Variants in MARCHF1 observed in about 807,000 individuals in gnomAD.
MARCHF1 encodes E3 ubiquitin-protein ligase MARCHF1.
In MARCHF1, 40 loss-of-function variants were observed where a neutral mutation model predicts 54.2. The observed-to-expected ratio is 0.74, with a 90% confidence interval of 0.57 to 0.96. MARCHF1 has a LOEUF of 0.96. Among genes scored for constraint, MARCHF1 ranks in the 40% least tolerant of loss-of-function variants. MARCHF1 has a pLI of 0.00. For synonymous variants in MARCHF1, 236 were observed against 236.3 expected, an observed-to-expected ratio of 1.00 and a Z score of 0.01; for missense variants, 586 against 656.5, an observed-to-expected ratio of 0.89 and a Z score of 1.17.
At chr4:164,261,776 G>A (rs2111278042) in intron 1 of MARCHF1, among the ~76,000 whole-genome samples, 1 of 152,028 alleles carries the variant, frequency 6.6e-6, no homozygotes, top group South Asian at 2.1e-4. Flanking sequence ...ATTTTTTCAT[G>A]GTTCCTATAA....
intron 1 of MARCHF1, among the ~76,000 whole-genome samples, chr4:164,208,629 G>A (rs1344704831): frequency 6.6e-6 from 1 of 152,206 alleles, no homozygotes; most frequent in Non-Finnish European, 1.5e-5. Flanking sequence ...TTCTTTAAAA[G>A]TAATGGCAGA....
At chr4:164,377,376 C>T (rs1731223408) in intron 1 of MARCHF1, among the ~76,000 whole-genome samples, 1 of 152,154 alleles carries the variant, frequency 6.6e-6, no homozygotes, top group Non-Finnish European at 1.5e-5. Flanking sequence ...ATAGTACTAG[C>T]TTGTTAACAC....
At chr4:163,879,643 A>G (rs1750370925) in intron 3 of MARCHF1, among the ~76,000 whole-genome samples, 1 of 152,178 alleles carries the variant, frequency 6.6e-6, no homozygotes, top group South Asian at 2.1e-4. Context: ...GTGTTATATC[A>G]AACTGCAAAC....
rs535932518 is a variant in MARCHF1 at position 164,207,595 on chromosome 4, G to A, written c.-322-95933C>T. Among the ~76,000 whole-genome samples, 3 of 152,324 alleles carry A rather than the reference G, an allele frequency of 2.0e-5. No individual in the cohort carries two copies. In the South Asian group the frequency reaches 6.2e-4, roughly 32 times the overall value. On this transcript the variant is annotated intron_variant, in intron 1 of 9. Coordinates refer to ENST00000514618, the MANE Select transcript of MARCHF1 (RefSeq NM_001394959.1). ...AGTCTACTGTGCTGGGGGGACTGAG[G>A]TGAGGCAGCTGCAGCCTAGAGCTAG...
At chr4:163,829,294 G>A (rs527344949) in intron 4 of MARCHF1, among the ~76,000 whole-genome samples, 16 of 152,184 alleles carry the variant, frequency 1.1e-4, no homozygotes, top group African/African-American at 3.4e-4. Context: ...GAAAAGGGCC[G>A]GATGGTAAGA....
intron 5 of MARCHF1, among the ~76,000 whole-genome samples, chr4:163,698,535 G>T (rs1228789157): frequency 1.3e-5 from 2 of 152,116 alleles, no homozygotes; most frequent in Non-Finnish European, 2.9e-5. Context: ...TTTAAGAATA[G>T]AGTTTTTTTA....
chr4:164,209,508 G>T (rs1731706641), intron 1 of MARCHF1, among the ~76,000 whole-genome samples: 1 of 152,120 alleles, frequency 6.6e-6, no homozygotes. Context: ...GGTAGTCTCT[G>T]AAACTATAAG....
chr4:164,359,118 AAGC>A (rs1259584177), intron 1 of MARCHF1, among the ~76,000 whole-genome samples: 1 of 152,146 alleles, frequency 6.6e-6, no homozygotes, highest in Non-Finnish European at 1.5e-5. Flanking sequence ...TGTAATAGGA[AAGC>A]AATTCTGTTG....
intron 5 of MARCHF1, among the ~76,000 whole-genome samples, chr4:163,699,798 T>G (rs911713421): frequency 2.6e-5 from 4 of 152,110 alleles, no homozygotes; most frequent in African/African-American, 9.7e-5. Flanking sequence ...ACTTTTCACT[T>G]CCCAAGCACC....
chr4:164,114,487 T>C (rs1755900291), intron 1 of MARCHF1, among the ~76,000 whole-genome samples: 1 of 151,790 alleles, frequency 6.6e-6, no homozygotes, highest in African/African-American at 2.4e-5. Flanking sequence ...TTTTATATAA[T>C]GACCCATTCT....
At chr4:164,228,411 T>A (rs1732317044) in intron 1 of MARCHF1, among the ~76,000 whole-genome samples, 1 of 152,212 alleles carries the variant, frequency 6.6e-6, no homozygotes. Context: ...TTATTCTTGG[T>A]TGATTATTAT....
At chr4:163,582,577 T>A (rs1057472480) in intron 8 of MARCHF1, among the ~76,000 whole-genome samples, 6 of 152,188 alleles carry the variant, frequency 3.9e-5, no homozygotes, top group African/African-American at 1.4e-4. Context: ...CTAAACAGAA[T>A]CTCCTGCCTG....
chr4:163,622,308 C>A (rs1019022797), intron 5 of MARCHF1, among the ~76,000 whole-genome samples: 1 of 151,960 alleles, frequency 6.6e-6, no homozygotes, highest in Non-Finnish European at 1.5e-5. Flanking sequence ...AGCAACAGGT[C>A]TGGGAAAAAC....
intron 4 of MARCHF1, among the ~76,000 whole-genome samples, chr4:163,772,219 G>A (rs961195244): frequency 6.6e-6 from 1 of 152,066 alleles, no homozygotes; most frequent in Non-Finnish European, 1.5e-5. Context: ...TAGTAATAAT[G>A]GTAATGATGA....
intron 1 of MARCHF1, among the ~76,000 whole-genome samples, chr4:164,234,569 A>G (rs943856394): frequency 2.0e-5 from 3 of 152,112 alleles, no homozygotes; most frequent in African/African-American, 4.8e-5. Flanking sequence ...ACTGTAATGC[A>G]TTTCTAAAGG....
intron 3 of MARCHF1, among the ~76,000 whole-genome samples, chr4:163,933,975 C>T (rs1290169567): frequency 6.6e-6 from 1 of 152,202 alleles, no homozygotes; most frequent in South Asian, 2.1e-4. Context: ...TAGCATGTTG[C>T]TGCCAGAATA....
At chr4:164,312,546 T>A (rs1734885725) in intron 1 of MARCHF1, among the ~76,000 whole-genome samples, 1 of 151,866 alleles carries the variant, frequency 6.6e-6, no homozygotes. Context: ...ATGGTCTCGA[T>A]CTCCTGACCT....
At chr4:164,125,126 C>T (rs1173679763) in intron 1 of MARCHF1, among the ~76,000 whole-genome samples, 1 of 151,846 alleles carries the variant, frequency 6.6e-6, no homozygotes, top group Non-Finnish European at 1.5e-5. Context: ...TGATAAAAAA[C>T]TTAAAACATC....
chr4:163,569,411 G>A (rs1204481158), intron 8 of MARCHF1, among the ~76,000 whole-genome samples: 2 of 152,088 alleles, frequency 1.3e-5, no homozygotes, highest in African/African-American at 4.8e-5. Flanking sequence ...TAATCTCAAA[G>A]ACACTTTGAA....
Sources: allele counts gnomAD v4.1 joint callset (sites outside exome capture counted in the v4.1 genomes callset), GRCh38; gene constraint gnomAD v4.1.1; transcripts MANE v1.5; gene names NCBI Gene and HGNC (gene_info 2026-07-23, HGNC 2026-07-21).